AIG1: variants seen among roughly 807,000 people sequenced by gnomAD.
AIG1 encodes androgen-induced gene 1 protein.
A neutral mutation model predicts 31.4 loss-of-function variants in AIG1; 23 were observed. That is an observed-to-expected ratio of 0.73 (90% CI 0.53 to 1.04). AIG1 has a LOEUF of 1.04. AIG1 is among the 50% of genes least tolerant of loss of function. The probability of loss-of-function intolerance (pLI) is 0.00; values close to 1 mark genes in which losing one functional copy is unlikely to be tolerated. For synonymous variants in AIG1, 100 were observed against 110.5 expected (o/e 0.90, Z 0.60); for missense variants, 274 against 295.0 (o/e 0.93, Z 0.52).
intron 1 of AIG1, among the ~76,000 whole-genome samples, chr6:143,063,156 CCATAGTAGAGT>C (rs1776402414): frequency 6.6e-6 from 1 of 152,288 alleles, no homozygotes; most frequent in East Asian, 1.9e-4. Flanking sequence ...TGACATGAAA[CCATAGTAGAGT>C]CAGCTTGATA....
At chr6:143,201,704 G>A (rs907398577) in intron 3 of AIG1, among the ~76,000 whole-genome samples, 1 of 152,134 alleles carries the variant, frequency 6.6e-6, no homozygotes, top group African/African-American at 2.4e-5. Flanking sequence ...CTTTATTAAC[G>A]CTTAATTCTC....
rs751920372 is a variant in AIG1, at chr6:143,187,409, A to G, written c.399+22226A>G. On this transcript the variant is annotated intron_variant, in intron 3 of 5. Coordinates refer to ENST00000357847, the MANE Select transcript of AIG1 (RefSeq NM_016108.4). The stretch of plus-strand genomic sequence containing the variant: ...GCAGCTATAGCAACTAGATTCCACC[A>G]CTTTGGGCTTTTACACAGAACTACA... 2.0e-6 allele frequency: 3 copies of G among 1,535,574 alleles called. 1 individual carries two copies. In the South Asian group the frequency reaches 3.6e-5, roughly 18 times the overall value.
intron 1 of AIG1, among the ~76,000 whole-genome samples, chr6:143,131,520 GA>G (rs1471540018): frequency 6.6e-6 from 1 of 152,194 alleles, no homozygotes; most frequent in Non-Finnish European, 1.5e-5. Context: ...AAGCAGAAAG[GA>G]AAGTCAGAGA....
At chr6:143,211,254 A>T in intron 3 of AIG1, among the ~76,000 whole-genome samples, 1 of 152,116 alleles carries the variant, frequency 6.6e-6, no homozygotes, top group East Asian at 1.9e-4. Context: ...ACCACCAGAC[A>T]CTGGTGGGCT....
intron 3 of AIG1, among the ~76,000 whole-genome samples, chr6:143,226,054 T>C (rs578000964): frequency 6.6e-6 from 1 of 152,324 alleles, no homozygotes; most frequent in South Asian, 2.1e-4. Context: ...AGAGATCATT[T>C]GTAATTGCCG....
Position 143,188,807 on chromosome 6 carries a change from G to A in AIG1, c.399+23624G>A, listed in dbSNP as rs903134655. On this transcript the variant is annotated intron_variant, in intron 3 of 5. Transcript: ENST00000357847. ...ATCTGTAAGACCAGGGAAACATACTGGCAATAGCAACTTCCCAGAACATTC... is the reference window on the plus strand; with the variant it reads ...ATCTGTAAGACCAGGGAAACATACTAGCAATAGCAACTTCCCAGAACATTC... 4 of 985,082 alleles carry A rather than the reference G, an allele frequency of 4.1e-6. No individual in the cohort carries two copies. In the African/African-American group the frequency reaches 7.0e-5, roughly 17 times the overall value. The allele number at this position is 985,082 out of a possible 1,614,324, so 61.0% of individuals were successfully genotyped here.
intron 3 of AIG1, among the ~76,000 whole-genome samples, chr6:143,228,715 A>C (rs1793208540): frequency 6.6e-6 from 1 of 152,246 alleles, no homozygotes; most frequent in South Asian, 2.1e-4. Context: ...GATTGTCACA[A>C]AAGTGATGAA....
chr6:143,264,920 ACAT>A (rs1796049506), intron 3 of AIG1, among the ~76,000 whole-genome samples: 1 of 152,208 alleles, frequency 6.6e-6, no homozygotes, highest in Non-Finnish European at 1.5e-5. Context: ...CTGTGTACTG[ACAT>A]TTGCAGCTTC....
chr6:143,333,167 C>A lies in AIG1; in HGVS notation c.516-115C>A. ...CTGAGTATCAGAAGCGAACTTGAGA[C>A]TGGCAAATGCTGAAGCATGGGGAGA... is the stretch of plus-strand genomic sequence containing the variant. On this transcript the variant is annotated intron_variant, in intron 4 of 5. Transcript: ENST00000357847. This position sits in a 1 kb window ranked among gnomAD's most constrained non-coding sequence, Gnocchi z 4.6. 2 of 1,073,942 alleles carry A rather than the reference C, an allele frequency of 1.9e-6. No homozygotes were observed. Among genetic ancestry groups the A allele is most frequent in the Non-Finnish European group, 2.5e-6 (2 of 789,706 alleles). 66.5% of individuals were successfully genotyped at this position (1,073,942 alleles called of 1,614,324 possible).
chr6:143,218,702 G>T (rs1292429487), intron 3 of AIG1, among the ~76,000 whole-genome samples: 3 of 152,150 alleles, frequency 2.0e-5, no homozygotes, highest in Non-Finnish European at 4.4e-5. Flanking sequence ...GGGCGTCACA[G>T]CACAAAGGAA....
At chr6:143,199,964 A>G (rs539796915) in intron 3 of AIG1, among the ~76,000 whole-genome samples, 118 of 152,238 alleles carry the variant, frequency 7.8e-4, no homozygotes, top group Non-Finnish European at 1.4e-3. Context: ...TAGGACCACC[A>G]GGAGAAAGGC....
chr6:143,339,792 C>T lies in AIG1; in HGVS notation c.*116C>T. The T allele has an allele frequency of 2.0e-6, 2 of 1,003,208 alleles. No homozygotes were observed. The highest frequency in any genetic ancestry group is 1.5e-6 in the Non-Finnish European group (1 of 671,484). The allele number at this position is 1,003,208 out of a possible 1,614,324, so 62.1% of individuals were successfully genotyped here. On this transcript the variant is annotated 3_prime_UTR_variant, in exon 6 of 6. Coordinates refer to ENST00000357847, the MANE Select transcript of AIG1 (RefSeq NM_016108.4). ...GGAACTTGGTGGCATCAGCACCCCC[C>T]TCCCCCAATGAGGACACCTTTTATA... is the stretch of plus-strand genomic sequence containing the variant.
intron 3 of AIG1, among the ~76,000 whole-genome samples, chr6:143,238,028 C>G (rs768754764): frequency 1.5e-4 from 23 of 152,138 alleles, no homozygotes; most frequent in Admixed American, 2.6e-4. Flanking sequence ...GCAACCTTTG[C>G]CTCCTGGTTT....
intron 3 of AIG1, among the ~76,000 whole-genome samples, chr6:143,201,352 G>A (rs1008594086): frequency 2.0e-5 from 3 of 149,766 alleles, no homozygotes; most frequent in Admixed American, 1.3e-4. Flanking sequence ...AAGTGAGACT[G>A]TTTCAAAAAA....
At chr6:143,157,351 G>A (rs2328454) in intron 2 of AIG1, among the ~76,000 whole-genome samples, 63,549 of 151,520 alleles carry the variant, frequency 0.42, 15,348 homozygotes, top group African/African-American at 0.67. Flanking sequence ...ACCACAATCC[G>A]CAGAGTGCTC....
chr6:143,315,451 G>A (rs1775664204), intron 4 of AIG1, among the ~76,000 whole-genome samples: 1 of 152,050 alleles, frequency 6.6e-6, no homozygotes, highest in Non-Finnish European at 1.5e-5. Context: ...TCAAGATATT[G>A]TGGAGTTGGA....
chr6:143,109,526 G>A (rs984685065), intron 1 of AIG1, among the ~76,000 whole-genome samples: 8 of 152,116 alleles, frequency 5.3e-5, no homozygotes, highest in African/African-American at 9.7e-5. Flanking sequence ...ATGCTTTGTA[G>A]TGTCAACGTT....
chr6:143,235,610 G>A (rs1213521613), intron 3 of AIG1, among the ~76,000 whole-genome samples: 3 of 128,156 alleles, frequency 2.3e-5, no homozygotes, highest in Non-Finnish European at 3.2e-5. Flanking sequence ...CTTCTCCCCT[G>A]ATTCATTTGT....
In AIG1 at chr6:143,328,056, G is replaced by T. The variant is rs1209172427; in HGVS notation, c.516-5226G>T. Among the ~76,000 whole-genome samples, 1 of 152,174 alleles carries T rather than the reference G, an allele frequency of 6.6e-6. No homozygotes were observed. The highest frequency in any genetic ancestry group is 1.5e-5 in the Non-Finnish European group (1 of 68,018). On this transcript the variant is annotated intron_variant, in intron 4 of 5. Coordinates refer to ENST00000357847, the MANE Select transcript of AIG1 (RefSeq NM_016108.4). The surrounding 1 kb of genome is among the most constrained non-coding windows in gnomAD (Gnocchi z 4.0). The stretch of plus-strand genomic sequence containing the variant: ...AGAATGCATAAGAGAAAACAGTTTG[G>T]AAACCAAGATTTAAGCAAATCCAAA...
Sources: allele counts gnomAD v4.1 joint callset (sites outside exome capture counted in the v4.1 genomes callset), GRCh38; gene constraint gnomAD v4.1.1; non-coding constraint Gnocchi (gnomAD v3.1); transcripts MANE v1.5; gene names NCBI Gene and HGNC (gene_info 2026-07-23, HGNC 2026-07-21).